MAGI3: variants seen among roughly 807,000 people sequenced by gnomAD.
MAGI3 encodes the protein membrane-associated guanylate kinase, WW and PDZ domain-containing protein 3.
In MAGI3, 43 loss-of-function variants were observed where a neutral mutation model predicts 121.8. The ratio of observed to expected loss-of-function variants is 0.35; its 90% CI spans 0.28 to 0.46. MAGI3 has a LOEUF of 0.46. Among genes scored for constraint, MAGI3 ranks in the 20% least tolerant of loss-of-function variants. MAGI3 has a pLI of 1.00. For missense variants in MAGI3, 1,547 were observed against 1,797.3 expected, an observed-to-expected ratio of 0.86 and a Z score of 2.52; for synonymous variants, 553 against 639.3, an observed-to-expected ratio of 0.86 and a Z score of 2.04.
chr1:113,588,401 C>T (rs1456771243), intron 4 of MAGI3, among the ~76,000 whole-genome samples: 2 of 151,862 alleles, frequency 1.3e-5, no homozygotes, highest in African/African-American at 2.4e-5. Flanking sequence ...AGAATAGTAA[C>T]CAATAAGATC....
intron 1 of MAGI3, among the ~76,000 whole-genome samples, chr1:113,537,604 A>G (rs1570819893): frequency 6.6e-6 from 1 of 152,126 alleles, no homozygotes; most frequent in East Asian, 1.9e-4. Context: ...GAGTTTGCAA[A>G]ACGTGCTGTC....
intron 3 of MAGI3, among the ~76,000 whole-genome samples, chr1:113,584,749 T>C (rs2101725923): frequency 6.6e-6 from 1 of 152,258 alleles, no homozygotes. Context: ...ACAAAGTATG[T>C]CCTAATTCAG....
chr1:113,566,204 C>T (rs1660428787), intron 2 of MAGI3, among the ~76,000 whole-genome samples: 1 of 152,288 alleles, frequency 6.6e-6, no homozygotes, highest in East Asian at 1.9e-4. Context: ...TAAACATACA[C>T]TTAACCATAA....
rs1451632747 is a variant in MAGI3 at position 113,585,257 on chromosome 1, C to T, written c.554-130C>T. On this transcript the variant is annotated intron_variant, in intron 3 of 20. Transcript: ENST00000307546. The stretch of plus-strand genomic sequence containing the variant: ...TGCTGGGATTACAAGTGTGAGCCAC[C>T]ATGCCCACCCCTATGGTAGATATTT... 1.3e-4 allele frequency: 103 copies of T among 781,190 alleles called. 2 individuals carry two copies. Among genetic ancestry groups the T allele is most frequent in the Non-Finnish European group, 1.7e-5 (8 of 483,420 alleles). 48.4% of individuals were successfully genotyped at this position (781,190 alleles called of 1,614,324 possible).
rs1648503094 is a variant in MAGI3, at chr1:113,685,638, A to ATTAT, written c.*1627_*1630dup. 6.6e-6 allele frequency: 1 copy of ATTAT among 152,334 alleles called. No homozygotes were observed. Among genetic ancestry groups the ATTAT allele is most frequent in the African/African-American group, 2.4e-5 (1 of 41,452 alleles). 9.4% of individuals were successfully genotyped at this position (152,334 alleles called of 1,614,324 possible). ...GAATTTAGTACCACAGAAATTATTT[A>ATTAT]TTATTTTCCCTGTAGTCCACAATTA... On this transcript the variant is annotated 3_prime_UTR_variant, in exon 21 of 21. Transcript: ENST00000307546.
chr1:113,623,114 T>A, intron 9 of MAGI3, 120 bp downstream of exon 9: 1 of 695,056 alleles, frequency 1.4e-6, no homozygotes. Context: ...AGAAAGAGAT[T>A]CCAGTATTAA....
chr1:113,616,687 A>T (rs1474063532), intron 7 of MAGI3, among the ~76,000 whole-genome samples: 1 of 152,200 alleles, frequency 6.6e-6, no homozygotes, highest in Non-Finnish European at 1.5e-5. Flanking sequence ...ATATGCTTAT[A>T]TATTTAGAAA....
chr1:113,550,092 G>A (rs1303467516), intron 2 of MAGI3, among the ~76,000 whole-genome samples: 1 of 144,508 alleles, frequency 6.9e-6, no homozygotes, highest in African/African-American at 2.6e-5. Context: ...CTCCAGCCTG[G>A]GTGACAGAGC....
At chr1:113,582,805 T>A (rs908250440) in intron 3 of MAGI3, among the ~76,000 whole-genome samples, 1 of 151,588 alleles carries the variant, frequency 6.6e-6, no homozygotes, top group Non-Finnish European at 1.5e-5. Flanking sequence ...AAAGGGAGAT[T>A]TGAAAGCAAT....
chr1:113,441,856 T>G (rs1429818713), intron 1 of MAGI3, among the ~76,000 whole-genome samples: 1 of 152,222 alleles, frequency 6.6e-6, no homozygotes, highest in Non-Finnish European at 1.5e-5. Flanking sequence ...ATTAATTTTC[T>G]TTTTAATATT....
chr1:113,670,633 A>T (rs896175451), intron 16 of MAGI3, among the ~76,000 whole-genome samples: 10 of 152,152 alleles, frequency 6.6e-5, no homozygotes, highest in Non-Finnish European at 4.4e-5. Context: ...TATCATTTTG[A>T]TGATGATGAT....
chr1:113,575,858 G>A (rs1647597904), intron 2 of MAGI3, among the ~76,000 whole-genome samples: 1 of 152,198 alleles, frequency 6.6e-6, no homozygotes, highest in African/African-American at 2.4e-5. Context: ...CCTGACTGGG[G>A]CTGCTGCCTT....
At chr1:113,641,022 A>G (rs12142361) in intron 9 of MAGI3, among the ~76,000 whole-genome samples, 628 of 15,046 alleles carry the variant, frequency 0.042, 19 homozygotes, top group Non-Finnish European at 0.061. Flanking sequence ...TATGATATAT[A>G]ATATATATGA....
chr1:113,506,507 T>C (rs953534110), intron 1 of MAGI3, among the ~76,000 whole-genome samples: 1 of 152,148 alleles, frequency 6.6e-6, no homozygotes, highest in African/African-American at 2.4e-5. Context: ...TGTCGTTCTG[T>C]TGTAATGATA....
intron 1 of MAGI3, among the ~76,000 whole-genome samples, chr1:113,419,756 A>G (rs560464660): frequency 6.6e-6 from 1 of 152,314 alleles, no homozygotes; most frequent in South Asian, 2.1e-4. Context: ...AAAACAACAT[A>G]GATTTATTAT....
At chr1:113,584,967 C>CTTTTTT (rs58296325) in intron 3 of MAGI3, among the ~76,000 whole-genome samples, 2 of 135,722 alleles carry the variant, frequency 1.5e-5, no homozygotes, top group Non-Finnish European at 1.5e-5. Flanking sequence ...TAGATATTTC[C>CTTTTTT]TTTTTTTTTT....
chr1:113,428,605 T>A, intron 1 of MAGI3, among the ~76,000 whole-genome samples: 1 of 152,278 alleles, frequency 6.6e-6, no homozygotes, highest in Middle Eastern at 3.4e-3. Flanking sequence ...AAAAAGAAAT[T>A]TATGAATTTT....
At chr1:113,522,281 T>C (rs534811185) in intron 1 of MAGI3, among the ~76,000 whole-genome samples, 3 of 152,310 alleles carry the variant, frequency 2.0e-5, no homozygotes, top group African/African-American at 7.2e-5. Flanking sequence ...ATTTTTGTAT[T>C]TTTAGTGGAG....
intron 9 of MAGI3, among the ~76,000 whole-genome samples, chr1:113,637,759 G>A (rs1652138240): frequency 6.6e-6 from 1 of 152,136 alleles, no homozygotes; most frequent in Admixed American, 6.5e-5. Flanking sequence ...TGTATTTCCT[G>A]AATTTGAATG....
Sources: allele counts gnomAD v4.1 joint callset (sites outside exome capture counted in the v4.1 genomes callset), GRCh38; gene constraint gnomAD v4.1.1; transcripts MANE v1.5; gene names NCBI Gene and HGNC (gene_info 2026-07-23, HGNC 2026-07-21).